Variants in POMT2 observed in about 807,000 individuals in gnomAD.
The protein encoded by POMT2 is protein O-mannosyl-transferase 2.
In POMT2, 75 loss-of-function variants were observed where a neutral mutation model predicts 100.0. The ratio of observed to expected loss-of-function variants is 0.75; its 90% confidence interval spans 0.62 to 0.91. The LOEUF (loss-of-function observed/expected upper bound fraction) is 0.91, where lower values mean the gene tolerates loss of function less well. POMT2 is among the 40% of genes least tolerant of loss of function. The pLI is 0.00. For missense variants in POMT2, 940 were observed against 955.1 expected, an observed-to-expected ratio of 0.98 and a Z score of 0.21; for synonymous variants, 378 against 374.1, an observed-to-expected ratio of 1.01 and a Z score of -0.12.
At chr14:77,312,068 A>T (rs1891455928) in intron 1 of POMT2, 35 bp from the exon 2 acceptor site, 1 of 1,609,810 alleles carries the variant, frequency 6.2e-7, no homozygotes, top group Non-Finnish European at 8.5e-7. Context: ...CAAGAATTTT[A>T]AAATTATCAT....
chr14:77,288,639 G>C, intron 11 of POMT2, 123 bp downstream of exon 11: 1 of 812,298 alleles, frequency 1.2e-6, no homozygotes. Context: ...TCCCATTCTC[G>C]CACTGTGGCC....
Position 77,301,308 on chromosome 14 carries a change from G to A in POMT2, c.657-59C>T, listed in dbSNP as rs911738817. ...GCTGGAACCAAAGCCAAACGCAAGC[G>A]CAGCAGGGGACAGGGCAGTTCTCAG... On this transcript the variant is annotated intron_variant, in intron 5 of 20. Transcript: ENST00000261534. 9 of 1,597,952 alleles carry A rather than the reference G, an allele frequency of 5.6e-6. No homozygotes were observed. In the African/African-American group the frequency reaches 1.2e-4, roughly 21 times the overall value.
chr14:77,313,378 A>C (rs1891508939), intron 1 of POMT2, among the ~76,000 whole-genome samples: 1 of 152,272 alleles, frequency 6.6e-6, no homozygotes, highest in East Asian at 1.9e-4. Context: ...ACTTCAAAGC[A>C]GGGTAATGAA....
At chr14:77,299,929 C>T (rs1890960252) in intron 6 of POMT2, 1 of 321,836 alleles carries the variant, frequency 3.1e-6, no homozygotes, top group Non-Finnish European at 6.1e-6. Context: ...CCCAGCCCAA[C>T]CCATCACATG....
chr14:77,302,967 G>A (rs368871867), intron 4 of POMT2, 24 bp from the exon 5 acceptor site: 36 of 1,566,878 alleles, frequency 2.3e-5, no homozygotes, highest in Non-Finnish European at 2.9e-5. Context: ...GCTCGCTGGT[G>A]AAAAAGCGAG....
rs746289365 is a variant in POMT2 at position 77,306,447 on chromosome 14, G to A, written c.334-6C>T. 1.2e-6 allele frequency: 2 copies of A among 1,611,850 alleles called. No homozygotes were observed. Among genetic ancestry groups the A allele is most frequent in the Non-Finnish European group, 1.7e-6 (2 of 1,178,164 alleles). On this transcript the variant is annotated splice_polypyrimidine_tract_variant and splice_region_variant and intron_variant, in intron 2 of 20. Transcript: ENST00000261534. The stretch of plus-strand genomic sequence containing the variant: ...CCAGCAAGACCTATCAGCATCTGAG[G>A]AGAGAAGAACAAACAAAAAGATGAG...
In POMT2 at chr14:77,306,812, C is replaced by T. The variant is rs1891245567; in HGVS notation, c.334-371G>A. ...GGCAGCTCTTGGACAGAGGCTGATT[C>T]CTGGGGAATTGGCCTTTTGAAAGGA... is the stretch of plus-strand genomic sequence containing the variant. On this transcript the variant is annotated intron_variant, in intron 2 of 20. Coordinates refer to ENST00000261534, the MANE Select transcript of POMT2 (RefSeq NM_013382.7). The T allele has an allele frequency of 4.0e-5, 11 of 274,108 alleles. No homozygotes were observed. In the South Asian group the frequency reaches 4.3e-4, roughly 11 times the overall value. 17.0% of individuals were successfully genotyped at this position (274,108 alleles called of 1,614,324 possible).
intron 2 of POMT2, chr14:77,306,682 C>T: frequency 2.3e-6 from 1 of 429,328 alleles, no homozygotes; most frequent in Non-Finnish European, 4.3e-6. Context: ...AGGAACAGCA[C>T]AACCTAAACA....
At chr14:77,278,956 T>C (rs1325216932) in intron 18 of POMT2, 87 bp from the exon 19 acceptor site, 2 of 1,487,996 alleles carry the variant, frequency 1.3e-6, no homozygotes, top group Admixed American at 1.9e-5. Flanking sequence ...TTCCTTGCTG[T>C]GTGACCTTGA....
chr14:77,317,621 G>T (rs1891680104), intron 1 of POMT2, among the ~76,000 whole-genome samples: 1 of 152,242 alleles, frequency 6.6e-6, no homozygotes, highest in Admixed American at 6.5e-5. Context: ...AAACCTTACT[G>T]AAGCAGTTTG....
At position 77,304,850 on chromosome 14, in the gene POMT2, C is replaced by T. The variant is rs985600580; in HGVS notation, c.439-50G>A. 3.6e-5 allele frequency: 55 copies of T among 1,548,772 alleles called. No individual in the cohort carries two copies. The Admixed American group carries it at 8.1e-4, about 23-fold the overall frequency. ...CAAATAACAAGCTGAGCTAGGTCAGCGACCTACTGGACTCAGTACAACCTA... is the reference window on the plus strand; with the variant it reads ...CAAATAACAAGCTGAGCTAGGTCAGTGACCTACTGGACTCAGTACAACCTA... On this transcript the variant is annotated intron_variant, in intron 3 of 20. Coordinates refer to ENST00000261534, the MANE Select transcript of POMT2 (RefSeq NM_013382.7).
At chr14:77,293,800 T>C (rs559026243) in intron 9 of POMT2, among the ~76,000 whole-genome samples, 14 of 152,320 alleles carry the variant, frequency 9.2e-5, no homozygotes, top group African/African-American at 2.9e-4. Flanking sequence ...TCTACGTACA[T>C]AACACTAGCT....
At chr14:77,286,129 C>T (rs1890419200) in intron 12 of POMT2, among the ~76,000 whole-genome samples, 1 of 152,200 alleles carries the variant, frequency 6.6e-6, no homozygotes, top group Non-Finnish European at 1.5e-5. Context: ...AGAATGTTCA[C>T]AGTCTTGACC....
chr14:77,301,401 A>G (rs1891036842), intron 5 of POMT2, 152 bp from the exon 6 acceptor site: 1 of 1,068,198 alleles, frequency 9.4e-7, no homozygotes, highest in African/African-American at 1.6e-5. Flanking sequence ...GCGTGGCTCC[A>G]TGGAGGAGGC....
chr14:77,311,853 C>A lies in POMT2; in HGVS notation c.333+96G>T, dbSNP rs563262897. The A allele has an allele frequency of 5.0e-5, 76 of 1,515,550 alleles. 1 individual carries two copies. The South Asian group carries it at 5.4e-4, about 11-fold the overall frequency. 93.9% of individuals were successfully genotyped at this position (1,515,550 alleles called of 1,614,324 possible). A position where few individuals can be genotyped will look rare whatever the true frequency, so the allele number is the denominator to read the frequency against. On this transcript the variant is annotated intron_variant, in intron 2 of 20. Coordinates refer to ENST00000261534, the MANE Select transcript of POMT2 (RefSeq NM_013382.7). ...AAATTCTTTCTACAAGTCCCAAATTCTTTCTAGAAGCCCCAAATCCAAAAT... is the reference window on the plus strand; with the variant it reads ...AAATTCTTTCTACAAGTCCCAAATTATTTCTAGAAGCCCCAAATCCAAAAT...
intron 15 of POMT2, 24 bp from the exon 16 acceptor site, chr14:77,280,487 C>A: frequency 1.2e-6 from 2 of 1,614,114 alleles, no homozygotes; most frequent in Non-Finnish European, 1.7e-6. Context: ...GCAAAGAAAG[C>A]TAGTCAAGAC....
At chr14:77,313,650 G>T (rs543901004) in intron 1 of POMT2, among the ~76,000 whole-genome samples, 1 of 152,276 alleles carries the variant, frequency 6.6e-6, no homozygotes, top group South Asian at 2.1e-4. Context: ...TTTTAAATCT[G>T]TTTGGGAACA....
chr14:77,293,784 A>G (rs924253792), intron 9 of POMT2, among the ~76,000 whole-genome samples: 4 of 152,310 alleles, frequency 2.6e-5, no homozygotes, highest in Middle Eastern at 6.8e-3. Context: ...ACCTCCACAC[A>G]TGGGCTCTAC....
chr14:77,304,440 C>T (rs751786152), intron 4 of POMT2, among the ~76,000 whole-genome samples: 28 of 152,166 alleles, frequency 1.8e-4, no homozygotes, highest in East Asian at 7.7e-4. Context: ...CCGTGAATAA[C>T]GTGGAGGTAA....
Sources: allele counts gnomAD v4.1 joint callset (sites outside exome capture counted in the v4.1 genomes callset), GRCh38; gene constraint gnomAD v4.1.1; transcripts MANE v1.5; gene names NCBI Gene and HGNC (gene_info 2026-07-23, HGNC 2026-07-21).